Variants in GALNT14 observed in about 807,000 individuals in gnomAD.
The protein encoded by GALNT14 is UDP-GalNAc:polypeptide N-acetylgalactosaminyltransferase 14.
A neutral mutation model predicts 77.5 loss-of-function variants in GALNT14; 60 were observed. The ratio of observed to expected loss-of-function variants is 0.77; its 90% CI spans 0.63 to 0.96. GALNT14 has a LOEUF of 0.96. GALNT14 is among the 40% of genes least tolerant of loss of function. The probability of loss-of-function intolerance (pLI) is 0.00; values close to 1 mark genes in which losing one functional copy is unlikely to be tolerated. For missense variants in GALNT14, 710 were observed against 731.0 expected (o/e 0.97, Z 0.33); for synonymous variants, 280 against 281.7 (o/e 0.99, Z 0.06).
chr2:30,901,416 C>T, the GALNT14 span, among the ~76,000 whole-genome samples: 3 of 152,030 alleles, frequency 2.0e-5, no homozygotes, highest in African/African-American at 4.8e-5. Flanking sequence ...GTAGAGCATG[C>T]CTGCTATGCC....
intron 2 of GALNT14, among the ~76,000 whole-genome samples, chr2:30,978,625 C>T (rs1290335197): frequency 6.6e-6 from 1 of 152,122 alleles, no homozygotes; most frequent in East Asian, 1.9e-4. Flanking sequence ...TGATTTTCTC[C>T]CTCTGTTCTG....
intron 1 of GALNT14, among the ~76,000 whole-genome samples, chr2:31,123,126 G>A (rs940984759): frequency 6.9e-6 from 1 of 145,852 alleles, no homozygotes; most frequent in Non-Finnish European, 1.5e-5. Context: ...AGCTTGCAGT[G>A]AGCCGAGGTG....
the GALNT14 span, among the ~76,000 whole-genome samples, chr2:30,888,017 A>G: frequency 6.6e-6 from 1 of 152,136 alleles, no homozygotes; most frequent in South Asian, 2.1e-4. Context: ...CTTTCCCTGC[A>G]TGACCTGTTG....
chr2:30,924,876 G>T, intron 11 of GALNT14, 53 bp from the exon 12 acceptor site: 1 of 1,510,948 alleles, frequency 6.6e-7, no homozygotes, highest in Non-Finnish European at 9.2e-7. Context: ...AGCTGTCAGA[G>T]GCAGGCGCCA....
chr2:30,915,953 A>C (rs1016532304), intron 13 of GALNT14, among the ~76,000 whole-genome samples: 3 of 152,214 alleles, frequency 2.0e-5, no homozygotes, highest in African/African-American at 7.2e-5. Flanking sequence ...AATTCTTAAC[A>C]GGACCTGTTT....
chr2:30,986,055 C>T (rs1403479517), intron 2 of GALNT14, among the ~76,000 whole-genome samples: 2 of 152,166 alleles, frequency 1.3e-5, no homozygotes, highest in Non-Finnish European at 2.9e-5. Flanking sequence ...GGCCACTGCC[C>T]CTTCATTTCC....
chr2:31,022,276 CAT>C (rs746327746), intron 1 of GALNT14, among the ~76,000 whole-genome samples: 14 of 152,244 alleles, frequency 9.2e-5, no homozygotes, highest in Non-Finnish European at 1.5e-4. Context: ...CCTTTTAAAA[CAT>C]ATACACTGTC....
chr2:31,059,494 G>A (rs920069390), intron 1 of GALNT14, among the ~76,000 whole-genome samples: 5 of 152,176 alleles, frequency 3.3e-5, no homozygotes, highest in African/African-American at 1.2e-4. Flanking sequence ...AGGAGGTGGG[G>A]CCTTAGGTCA....
At chr2:30,950,985 T>C (rs1417531187) in intron 6 of GALNT14, among the ~76,000 whole-genome samples, 1 of 152,244 alleles carries the variant, frequency 6.6e-6, no homozygotes, top group Admixed American at 6.5e-5. Flanking sequence ...TAACACATTC[T>C]GCAGGGACAA....
intron 1 of GALNT14, among the ~76,000 whole-genome samples, chr2:31,063,523 G>T (rs1457467386): frequency 6.6e-6 from 1 of 152,142 alleles, no homozygotes; most frequent in African/African-American, 2.4e-5. Flanking sequence ...TTTTTGCTTA[G>T]GATTGATTTG....
chr2:31,057,673 A>T (rs937876807), intron 1 of GALNT14, among the ~76,000 whole-genome samples: 3 of 152,048 alleles, frequency 2.0e-5, no homozygotes, highest in African/African-American at 7.2e-5. Flanking sequence ...GATAACACTA[A>T]CTCAGCTTAG....
chr2:31,024,796 G>C (rs1344248429), intron 1 of GALNT14, among the ~76,000 whole-genome samples: 1 of 152,136 alleles, frequency 6.6e-6, no homozygotes, highest in East Asian at 1.9e-4. Context: ...ACAAATACCA[G>C]GCCCAAAGTA....
chr2:31,081,989 T>C (rs1430286491), intron 1 of GALNT14, among the ~76,000 whole-genome samples: 3 of 152,334 alleles, frequency 2.0e-5, no homozygotes, highest in Middle Eastern at 6.8e-3. Flanking sequence ...TATAGGACAC[T>C]CAGACTGATA....
At chr2:31,116,370 A>G (rs1028515159) in intron 1 of GALNT14, among the ~76,000 whole-genome samples, 2 of 152,144 alleles carry the variant, frequency 1.3e-5, no homozygotes, top group Non-Finnish European at 1.5e-5. Context: ...AAAAATAAAA[A>G]TATGTATTCA....
intron 1 of GALNT14, among the ~76,000 whole-genome samples, chr2:31,047,283 A>G (rs1673526270): frequency 6.6e-6 from 1 of 152,178 alleles, no homozygotes; most frequent in African/African-American, 2.4e-5. Context: ...CCCTGACATG[A>G]TATCTGCGAG....
intron 11 of GALNT14, 52 bp from the exon 12 acceptor site, chr2:30,924,875 AG>A: frequency 6.6e-7 from 1 of 1,520,532 alleles, no homozygotes; most frequent in Non-Finnish European, 9.1e-7. Context: ...CAGCTGTCAG[AG>A]GCAGGCGCCA....
At chr2:30,983,103 G>A in intron 2 of GALNT14, among the ~76,000 whole-genome samples, 1 of 152,094 alleles carries the variant, frequency 6.6e-6, no homozygotes, top group Non-Finnish European at 1.5e-5. Context: ...ATACCACACT[G>A]CCCTTGGTGT....
In GALNT14 at chr2:31,027,689, C is replaced by T. The variant is rs186995269; in HGVS notation, c.130-34682G>A. Among the ~76,000 whole-genome samples the T allele has an allele frequency of 1.5e-3, 228 of 152,192 alleles. 1 individual carries two copies. Among genetic ancestry groups the T allele is most frequent in the African/African-American group, 5.0e-3 (209 of 41,534 alleles). ...TACATACTATTAGTTGCTCATTATTCGTGCTTATGTTTATCATCACAATTT... is the reference window on the plus strand; with the variant it reads ...TACATACTATTAGTTGCTCATTATTTGTGCTTATGTTTATCATCACAATTT... On this transcript the variant is annotated intron_variant, in intron 1 of 14. Transcript: ENST00000349752.
chr2:31,101,843 T>C (rs189426059), intron 1 of GALNT14, among the ~76,000 whole-genome samples: 2 of 152,188 alleles, frequency 1.3e-5, no homozygotes, highest in Admixed American at 1.3e-4. Flanking sequence ...AATTGAGTCA[T>C]AGTGGTGGTT....
Sources: allele counts gnomAD v4.1 joint callset (sites outside exome capture counted in the v4.1 genomes callset), GRCh38; gene constraint gnomAD v4.1.1; transcripts MANE v1.5; gene names NCBI Gene and HGNC (gene_info 2026-07-23, HGNC 2026-07-21).